Variants in NCAM1 observed in about 807,000 individuals in gnomAD.
NCAM1 encodes antigen recognized by monoclonal antibody 5.1H11.
Under a neutral mutation model 109.8 loss-of-function variants are expected in NCAM1, and 14 were observed. The ratio of observed to expected loss-of-function variants is 0.13; its 90% CI spans 0.08 to 0.20. The LOEUF is 0.20. Ranked by LOEUF, NCAM1 falls within the 10% of genes least tolerant of loss-of-function variation. The pLI, the probability that NCAM1 is intolerant of heterozygous loss-of-function variation, is 1.00. For synonymous variants in NCAM1, 418 were observed against 442.9 expected (o/e 0.94, Z 0.70); for missense variants, 774 against 1,109.9 (o/e 0.70, Z 4.30).
chr11:113,272,324 C>G (rs1555125627), intron 19 of NCAM1, among the ~76,000 whole-genome samples: 2 of 152,094 alleles, frequency 1.3e-5, no homozygotes, highest in African/African-American at 4.8e-5. Flanking sequence ...ACCCACGGAG[C>G]CCCAGACCAG....
chr11:113,246,883 C>T (rs1459582552), intron 15 of NCAM1, among the ~76,000 whole-genome samples: 3 of 152,190 alleles, frequency 2.0e-5, no homozygotes, highest in African/African-American at 7.2e-5. Context: ...AAAATTCATG[C>T]ACATTGAGGA....
intron 1 of NCAM1, among the ~76,000 whole-genome samples, chr11:113,024,676 C>T (rs917067732): frequency 1.3e-5 from 2 of 152,002 alleles, no homozygotes; most frequent in Non-Finnish European, 2.9e-5. Flanking sequence ...GATTATGAAA[C>T]TTCAGACTTA....
At chr11:112,965,815 T>C (rs1015462201) in intron 1 of NCAM1, among the ~76,000 whole-genome samples, 1 of 152,232 alleles carries the variant, frequency 6.6e-6, no homozygotes, top group African/African-American at 2.4e-5. Context: ...CCTTTCTGAC[T>C]TAGTGTAAAA....
At chr11:113,212,947 C>T (rs1347002606) in intron 7 of NCAM1, among the ~76,000 whole-genome samples, 1 of 152,156 alleles carries the variant, frequency 6.6e-6, no homozygotes, top group Admixed American at 6.5e-5. Context: ...TTGAGATGTG[C>T]CTATGTGCTA....
chr11:113,191,943 C>T (rs1943690922), intron 1 of NCAM1, among the ~76,000 whole-genome samples: 1 of 152,154 alleles, frequency 6.6e-6, no homozygotes, highest in African/African-American at 2.4e-5. Context: ...AAGGCACGGG[C>T]AGGATCTAAA....
rs1176648634 is a variant in NCAM1, at chr11:113,096,917, C to T, written c.53-105462C>T. 4.6e-5 allele frequency among the ~76,000 whole-genome samples: 7 copies of T among 152,230 alleles called. No individual in the cohort carries two copies. In the East Asian group the frequency reaches 1.2e-3, roughly 25 times the overall value. ...CCTGGAGTGTCTTCCAGCTGTCTCT[C>T]CCCTGACAAGTTTGTTACACAGCAG... On this transcript the variant is annotated intron_variant, in intron 1 of 19. Coordinates refer to ENST00000316851, the MANE Select transcript of NCAM1 (RefSeq NM_181351.5).
At chr11:113,197,226 C>A in intron 1 of NCAM1, 1 of 244,168 alleles carries the variant, frequency 4.1e-6, no homozygotes, top group Non-Finnish European at 9.1e-6. Context: ...GGTGGGGACA[C>A]AGAGCCAAAC....
chr11:112,996,036 G>T (rs530184752), intron 1 of NCAM1, among the ~76,000 whole-genome samples: 1 of 152,184 alleles, frequency 6.6e-6, no homozygotes, highest in East Asian at 1.9e-4. Flanking sequence ...CCTCCCCTTT[G>T]TCCACTGTTT....
intron 17 of NCAM1, among the ~76,000 whole-genome samples, chr11:113,267,021 C>G (rs1421028180): frequency 2.0e-5 from 3 of 152,190 alleles, no homozygotes; most frequent in Non-Finnish European, 4.4e-5. Context: ...CATCAAGGAA[C>G]TCACCTCTCA....
rs1946412612 is a variant in NCAM1 at position 113,277,129 on chromosome 11, A to G, written c.*1742A>G. ...ATGATGATGAAGATGATGCTAAGTA[A>G]ACAGAAATCAGTACTCCGCATGCGC... On this transcript the variant is annotated 3_prime_UTR_variant, in exon 20 of 20. Coordinates refer to ENST00000316851, the MANE Select transcript of NCAM1 (RefSeq NM_181351.5). The G allele has an allele frequency of 5.1e-6, 2 of 391,066 alleles. No individual in the cohort carries two copies. Among genetic ancestry groups the G allele is most frequent in the East Asian group, 3.6e-5 (1 of 27,576 alleles). The allele number at this position is 391,066 out of a possible 1,614,324, so 24.2% of individuals were successfully genotyped here.
intron 1 of NCAM1, among the ~76,000 whole-genome samples, chr11:113,138,375 A>G (rs1245137): frequency 0.99 from 150,431 of 152,356 alleles, 74,269 homozygotes; most frequent in Middle Eastern, 1. Context: ...TCATGGAGCA[A>G]GACTCATGGG....
intron 1 of NCAM1, among the ~76,000 whole-genome samples, chr11:113,083,241 A>T (rs782717453): frequency 2.6e-5 from 4 of 152,176 alleles, no homozygotes; most frequent in Admixed American, 6.6e-5. Flanking sequence ...TCATCCTTAT[A>T]ACATACACTA....
chr11:113,245,296 G>A (rs747115314), intron 14 of NCAM1, among the ~76,000 whole-genome samples: 1 of 152,150 alleles, frequency 6.6e-6, no homozygotes, highest in African/African-American at 2.4e-5. Flanking sequence ...AGAAAAATTA[G>A]CTGGGTATAG....
In NCAM1 at chr11:113,207,987, C is replaced by T. The variant is rs782191815; in HGVS notation, c.901C>T (p.His301Tyr). 6.2e-7 allele frequency: 1 copy of T among 1,609,486 alleles called. No individual in the cohort carries two copies. Among genetic ancestry groups the T allele is most frequent in the Non-Finnish European group, 8.5e-7 (1 of 1,178,020 alleles). The change falls in exon 7 of 20, where the codon CAC becomes TAC. Residue 301 changes from histidine to tyrosine, a missense_variant. His to Tyr is a moderately conservative substitution (Grantham distance 83). This residue lies in a region of NCAM1 where 523 missense variants were observed against 784.2 expected (regional missense o/e 0.67). Coordinates refer to ENST00000316851, the MANE Select transcript of NCAM1 (RefSeq NM_181351.5). ...NKAGEQDATI[H>Y]LKVFAKPKIT... ...GGCTGGCGAGCAGGATGCGACCATC[C>T]ACCTCAAAGTCTTTGGTAGGGGCAG... is the stretch of plus-strand genomic sequence containing the variant.
At chr11:113,185,620 T>C (rs1555108750) in intron 1 of NCAM1, among the ~76,000 whole-genome samples, 1 of 152,118 alleles carries the variant, frequency 6.6e-6, no homozygotes, top group East Asian at 1.9e-4. Context: ...GAAATGGGAG[T>C]TTCTGCAGCG....
chr11:113,262,576 G>A (rs1946039441), intron 17 of NCAM1, among the ~76,000 whole-genome samples: 2 of 152,198 alleles, frequency 1.3e-5, no homozygotes, highest in African/African-American at 4.8e-5. Flanking sequence ...TATTGATACT[G>A]CACTGAACCC....
At chr11:113,220,602 C>CTTGTTTTTT (rs1944663095) in intron 8 of NCAM1, among the ~76,000 whole-genome samples, 1 of 75,584 alleles carries the variant, frequency 1.3e-5, no homozygotes, top group Non-Finnish European at 2.4e-5. Flanking sequence ...CTCTCTCTCT[C>CTTGTTTTTT]TTTTTTTTTT....
intron 9 of NCAM1, among the ~76,000 whole-genome samples, chr11:113,230,084 A>T (rs577548134): frequency 3.4e-4 from 49 of 144,264 alleles, no homozygotes; most frequent in Middle Eastern, 3.6e-3. Flanking sequence ...AAGTATAATT[A>T]AAAAAAAAAA....
At chr11:113,173,105 A>G (rs139592859) in intron 1 of NCAM1, among the ~76,000 whole-genome samples, 77 of 152,290 alleles carry the variant, frequency 5.1e-4, no homozygotes, top group African/African-American at 1.8e-3. Context: ...CCCTCCCTAC[A>G]CAATGCCTGC....
Sources: allele counts gnomAD v4.1 joint callset (sites outside exome capture counted in the v4.1 genomes callset), GRCh38; gene constraint gnomAD v4.1.1; regional missense constraint gnomAD v4.1.1; transcripts MANE v1.5; gene names NCBI Gene and HGNC (gene_info 2026-07-23, HGNC 2026-07-21).